MLIP: variants seen among roughly 807,000 people sequenced by gnomAD.
MLIP encodes muscular LMNA-interacting protein.
A neutral mutation model predicts 84.8 loss-of-function variants in MLIP; 79 were observed. That is an observed-to-expected ratio of 0.93 (90% CI 0.78 to 1.12). The LOEUF is 1.12. MLIP is among the 50% of genes most tolerant of loss of function. The pLI is 0.00. For missense variants in MLIP, 1,257 were observed against 1,160.6 expected (o/e 1.08, Z -1.21); for synonymous variants, 504 against 463.0 (o/e 1.09, Z -1.14).
chr6:54,025,504 A>G (rs1417015914), intron 1 of MLIP, among the ~76,000 whole-genome samples: 1 of 152,218 alleles, frequency 6.6e-6, no homozygotes, highest in African/African-American at 2.4e-5. Context: ...AATTTTGGTG[A>G]TGACCTAAAT....
intron 1 of MLIP, among the ~76,000 whole-genome samples, chr6:54,027,865 C>A (rs768274546): frequency 1.3e-5 from 2 of 152,072 alleles, no homozygotes; most frequent in African/African-American, 4.8e-5. Flanking sequence ...TGTGTGATGG[C>A]GAATAACAGA....
In MLIP at chr6:54,189,938, T is replaced by A. The variant is rs370326563; in HGVS notation, c.2589+24T>A. On this transcript the variant is annotated intron_variant, in intron 10 of 13. Transcript: ENST00000502396. ...TGGTATGTATCTTCTAAGTCACAGATCTACTGCAAATTCTGATCTCTCAAG... is the reference window on the plus strand; with the variant it reads ...TGGTATGTATCTTCTAAGTCACAGAACTACTGCAAATTCTGATCTCTCAAG... 4.5e-5 allele frequency: 69 copies of A among 1,542,542 alleles called. No homozygotes were observed. The African/African-American group carries it at 8.8e-4, about 20-fold the overall frequency.
intron 1 of MLIP, among the ~76,000 whole-genome samples, chr6:54,040,376 A>G (rs1764674464): frequency 6.6e-6 from 1 of 151,974 alleles, no homozygotes. Context: ...GTGACTGCTC[A>G]AGAGTCTTCA....
At chr6:54,131,559 AGGAATTCTATAAGGCT>A (rs144187864) in intron 3 of MLIP, among the ~76,000 whole-genome samples, 1,837 of 152,206 alleles carry the variant, frequency 0.012, 30 homozygotes, top group Non-Finnish European at 0.017. Context: ...CTTAAAAGGA[AGGAATTCTATAAGGCT>A]GGGACTCTTT....
chr6:54,155,974 AT>A (rs1713935060), intron 5 of MLIP, among the ~76,000 whole-genome samples: 1 of 152,006 alleles, frequency 6.6e-6, no homozygotes, highest in Non-Finnish European at 1.5e-5. Context: ...GAAAATGTAT[AT>A]TTTTAATAAC....
Position 54,120,239 on chromosome 6 carries a change from TA to T in MLIP, c.97-1207del, listed in dbSNP as rs1303159894. ...GTCTAGGCTTGCGACTTCTTTTTTTTATTTTTTTTTTTTGAGACGGAGTCTC... is the reference window on the plus strand; with the variant it reads ...GTCTAGGCTTGCGACTTCTTTTTTTTTTTTTTTTTTTTGAGACGGAGTCTC... On this transcript the variant is annotated intron_variant, in intron 1 of 13. Coordinates refer to ENST00000502396, the MANE Select transcript of MLIP (RefSeq NM_001281747.2). 9.6e-5 allele frequency among the ~76,000 whole-genome samples: 11 copies of T among 114,018 alleles called. No individual in the cohort carries two copies. The South Asian group carries it at 1.1e-3, about 12-fold the overall frequency. The allele number at this position is 114,018 out of a possible 152,430, so 74.8% of individuals were successfully genotyped here.
chr6:54,024,634 T>TA (rs1428841487), intron 1 of MLIP, among the ~76,000 whole-genome samples: 2 of 152,222 alleles, frequency 1.3e-5, no homozygotes, highest in Non-Finnish European at 2.9e-5. Flanking sequence ...AGGCAATTAT[T>TA]ACGCTTTGAT....
At chr6:54,023,158 C>T (rs1257674503) in intron 1 of MLIP, among the ~76,000 whole-genome samples, 1 of 130,100 alleles carries the variant, frequency 7.7e-6, no homozygotes, top group African/African-American at 2.7e-5. Flanking sequence ...CAGAGCGAGA[C>T]TCCATCTCAA....
At chr6:54,057,210 ACT>A (rs1316742674) in intron 1 of MLIP, among the ~76,000 whole-genome samples, 2 of 152,080 alleles carry the variant, frequency 1.3e-5, no homozygotes, top group Non-Finnish European at 2.9e-5. Flanking sequence ...TATCCACAAA[ACT>A]CTGGTTCTAG....
At chr6:54,095,337 A>G (rs1312668612) in intron 1 of MLIP, among the ~76,000 whole-genome samples, 2 of 152,186 alleles carry the variant, frequency 1.3e-5, no homozygotes, top group Non-Finnish European at 2.9e-5. Context: ...ACTCAGAAGG[A>G]GTCAGGACAA....
intron 3 of MLIP, among the ~76,000 whole-genome samples, chr6:54,132,899 T>C (rs1771502875): frequency 6.6e-6 from 1 of 152,090 alleles, no homozygotes; most frequent in African/African-American, 2.4e-5. Flanking sequence ...TATTAAAAAG[T>C]GGTATCAATT....
chr6:54,213,680 C>A (rs1467690913), intron 11 of MLIP, among the ~76,000 whole-genome samples: 11 of 115,520 alleles, frequency 9.5e-5, no homozygotes, highest in African/African-American at 3.6e-4. Flanking sequence ...TTCACTACAG[C>A]CTGGGCAATG....
intron 11 of MLIP, among the ~76,000 whole-genome samples, chr6:54,228,353 T>C (rs577778935): frequency 6.6e-6 from 1 of 152,276 alleles, no homozygotes; most frequent in South Asian, 2.1e-4. Flanking sequence ...ACATAAATAT[T>C]GAAGCTGTAA....
In MLIP at chr6:54,138,118, C is replaced by A. The variant is rs762178846; in HGVS notation, c.2049C>A (p.Cys683Ter). The change falls in exon 4 of 14, where the codon TGC (cysteine) becomes TGA (stop). Residue 683 changes from cysteine to a stop codon, truncating the protein, a stop_gained. Coordinates refer to ENST00000502396, the MANE Select transcript of MLIP (RefSeq NM_001281747.2). LOFTEE classifies it high-confidence loss of function. ...GTCCCTCAGCTCTGCACCCACATTG[C>A]GGCAGTGGTACCTTGCCTTCAAGAC... is the stretch of plus-strand genomic sequence containing the variant. Reference protein sequence around the residue: ...QLSPSALHPHCGSGTLPSRLG... With the variant: ...QLSPSALHPH The A allele has an allele frequency of 6.5e-7, 1 of 1,536,100 alleles. No homozygotes were observed. Among genetic ancestry groups the A allele is most frequent in the Non-Finnish European group, 8.7e-7 (1 of 1,146,874 alleles).
chr6:54,187,943 G>C (rs79629819), intron 9 of MLIP, among the ~76,000 whole-genome samples: 2 of 152,172 alleles, frequency 1.3e-5, no homozygotes, highest in Admixed American at 6.5e-5. Context: ...GGAGGCAGAG[G>C]TTGCAGTGAG....
At chr6:54,035,189 A>G (rs984388246) in intron 1 of MLIP, among the ~76,000 whole-genome samples, 3 of 152,118 alleles carry the variant, frequency 2.0e-5, no homozygotes, top group Admixed American at 2.0e-4. Flanking sequence ...CATTTCTTAG[A>G]ATGAATCTCT....
intron 12 of MLIP, among the ~76,000 whole-genome samples, chr6:54,242,118 G>T (rs373675730): frequency 1.3e-5 from 2 of 152,306 alleles, no homozygotes; most frequent in African/African-American, 4.8e-5. Context: ...TTTTCATGGC[G>T]GTCTGATGTT....
chr6:54,174,522 T>G (rs11966747), intron 9 of MLIP, among the ~76,000 whole-genome samples: 1 of 152,060 alleles, frequency 6.6e-6, no homozygotes, highest in East Asian at 1.9e-4. Flanking sequence ...TCTTTTCATA[T>G]GCTTGTTTGC....
intron 10 of MLIP, among the ~76,000 whole-genome samples, chr6:54,191,736 T>C (rs1427175307): frequency 6.6e-6 from 1 of 152,168 alleles, no homozygotes; most frequent in East Asian, 1.9e-4. Context: ...CATAATGAGG[T>C]TGAATGACTT....
Sources: allele counts gnomAD v4.1 joint callset (sites outside exome capture counted in the v4.1 genomes callset), GRCh38; gene constraint gnomAD v4.1.1; transcripts MANE v1.5; gene names NCBI Gene and HGNC (gene_info 2026-07-23, HGNC 2026-07-21).